Variants in SPIRE1 observed in about 807,000 individuals in gnomAD.
The protein encoded by SPIRE1 is spire type actin nucleation factor 1, also known as protein spire homolog 1.
In SPIRE1, 40 loss-of-function variants were observed where a neutral mutation model predicts 94.1. The ratio of observed to expected loss-of-function variants is 0.43; its 90% CI spans 0.33 to 0.55. The LOEUF (loss-of-function observed/expected upper bound fraction) is 0.55, where lower values mean the gene tolerates loss of function less well. Among genes scored for constraint, SPIRE1 ranks in the 20% least tolerant of loss-of-function variants. The probability of loss-of-function intolerance (pLI) is 0.06; values close to 1 mark genes in which losing one functional copy is unlikely to be tolerated. For missense variants in SPIRE1, 838 were observed against 975.2 expected (o/e 0.86, Z 1.87); for synonymous variants, 376 against 371.7 (o/e 1.01, Z -0.13).
At chr18:12,583,800 CT>C (rs1447435807) in intron 2 of SPIRE1, among the ~76,000 whole-genome samples, 2 of 151,904 alleles carry the variant, frequency 1.3e-5, no homozygotes, top group Admixed American at 6.6e-5. Context: ...TGGCACACAC[CT>C]ATAGTCCCTG....
intron 2 of SPIRE1, among the ~76,000 whole-genome samples, chr18:12,549,404 TTTTGTTTTGCTTTTTG>T (rs2035269823): frequency 8.8e-6 from 1 of 114,212 alleles, no homozygotes; most frequent in Non-Finnish European, 1.8e-5. Context: ...CCCCTTCTTT[TTTTGTTTTGCTTTTTG>T]TTTGTTTTTG....
intron 14 of SPIRE1, 126 bp from the exon 15 acceptor site, chr18:12,452,638 A>G: frequency 3.1e-6 from 3 of 952,906 alleles, no homozygotes; most frequent in Non-Finnish European, 5.0e-6. Context: ...TTCTTCTATT[A>G]GAATGTAACA....
chr18:12,659,362 AG>A (rs2038647901), upstream of SPIRE1, among the ~76,000 whole-genome samples: 1 of 152,180 alleles, frequency 6.6e-6, no homozygotes, highest in African/African-American at 2.4e-5. Context: ...CAGGACGAAA[AG>A]GAAAATTAAG....
Position 12,479,810 on chromosome 18 carries a change from C to G in SPIRE1, c.1293G>C (p.Leu431Phe). ...ACCCGTTTTCTTTTGTTTGTGATGTCAAACCTCCATTCACCATAGATGACT... is the reference window on the plus strand; with the variant it reads ...ACCCGTTTTCTTTTGTTTGTGATGTGAAACCTCCATTCACCATAGATGACT... The part of the protein sequence containing the change: ...LVESSMVNGG[L>F]TSQTKENGLS... Residue 431 changes from leucine to phenylalanine, a missense_variant, in exon 10 of 17, where the codon TTG becomes TTC. Around this residue, in one of 2 missense-constraint regions of SPIRE1, gnomAD observed 645 missense variants for 804.7 expected, o/e 0.80. Transcript: ENST00000409402. The G allele has an allele frequency of 6.2e-7, 1 of 1,614,094 alleles. No homozygotes were observed. The highest frequency in any genetic ancestry group is 8.5e-7 in the Non-Finnish European group (1 of 1,180,002).
chr18:12,607,112 G>A (rs920572160), intron 2 of SPIRE1, among the ~76,000 whole-genome samples: 1 of 151,940 alleles, frequency 6.6e-6, no homozygotes, highest in African/African-American at 2.4e-5. Context: ...TAAATTTCCT[G>A]GTTTCTAATT....
intron 2 of SPIRE1, among the ~76,000 whole-genome samples, chr18:12,560,308 C>T (rs2035645333): frequency 6.6e-6 from 1 of 152,036 alleles, no homozygotes; most frequent in South Asian, 2.1e-4. Flanking sequence ...GCACTATTTA[C>T]AATAGCTAAG....
At chr18:12,609,790 GCTATGC>G (rs1364720433) in intron 2 of SPIRE1, among the ~76,000 whole-genome samples, 1 of 152,146 alleles carries the variant, frequency 6.6e-6, no homozygotes, top group African/African-American at 2.4e-5. Flanking sequence ...CTCCCAGAAG[GCTATGC>G]CTCTTCTGTC....
At chr18:12,521,309 C>T (rs777587243) in intron 4 of SPIRE1, among the ~76,000 whole-genome samples, 12 of 151,020 alleles carry the variant, frequency 7.9e-5, no homozygotes, top group South Asian at 6.3e-4. Flanking sequence ...ATTTTACTGC[C>T]TTTCGCTTTG....
At chr18:12,542,387 C>CTACTGT (rs2035039690) in intron 3 of SPIRE1, among the ~76,000 whole-genome samples, 2 of 152,176 alleles carry the variant, frequency 1.3e-5, no homozygotes, top group Non-Finnish European at 2.9e-5. Flanking sequence ...GATTAATAGT[C>CTACTGT]ACATGTGGCT....
chr18:12,476,553 AAAAAAAAAAAAATAT>A (rs1461414022), intron 10 of SPIRE1, among the ~76,000 whole-genome samples: 6 of 90,226 alleles, frequency 6.6e-5, no homozygotes, highest in African/African-American at 1.8e-4. Context: ...AAAAAAAAAA[AAAAAAAAAAAAATAT>A]ATATATATAT....
At chr18:12,518,343 G>A (rs1377333903) in intron 4 of SPIRE1, among the ~76,000 whole-genome samples, 3 of 152,004 alleles carry the variant, frequency 2.0e-5, no homozygotes, top group African/African-American at 7.3e-5. Flanking sequence ...ATATGCTAAT[G>A]TAGGCCAAGT....
At chr18:12,478,097 ACCTTT>A (rs1598911198) in intron 10 of SPIRE1, among the ~76,000 whole-genome samples, 1 of 151,788 alleles carries the variant, frequency 6.6e-6, no homozygotes, top group Non-Finnish European at 1.5e-5. Context: ...TGTTTGAAAA[ACCTTT>A]AGTAGCAAAA....
intron 2 of SPIRE1, among the ~76,000 whole-genome samples, chr18:12,632,259 A>C (rs2037802341): frequency 6.6e-6 from 1 of 152,164 alleles, no homozygotes; most frequent in South Asian, 2.1e-4. Flanking sequence ...TCTGAGCAGC[A>C]CTACTCCAGA....
At chr18:12,587,009 CTTGTATGTTA>C (rs1207714755) in intron 2 of SPIRE1, among the ~76,000 whole-genome samples, 5 of 152,326 alleles carry the variant, frequency 3.3e-5, no homozygotes, top group East Asian at 1.9e-4. Context: ...AAGCACTTCA[CTTGTATGTTA>C]TTGTATGTTA....
intron 10 of SPIRE1, among the ~76,000 whole-genome samples, chr18:12,471,244 G>T (rs1472132348): frequency 1.3e-5 from 2 of 152,066 alleles, no homozygotes; most frequent in East Asian, 3.8e-4. Context: ...TAATTTTATA[G>T]GGGATCTGTG....
chr18:12,629,614 G>A (rs2037721838), intron 2 of SPIRE1, among the ~76,000 whole-genome samples: 1 of 152,104 alleles, frequency 6.6e-6, no homozygotes. Flanking sequence ...GGCTAAGAGG[G>A]GCTGGGAGGA....
intron 12 of SPIRE1, among the ~76,000 whole-genome samples, chr18:12,456,334 T>C (rs1026764904): frequency 3.3e-5 from 5 of 152,178 alleles, no homozygotes; most frequent in Non-Finnish European, 4.4e-5. Context: ...GGTTAGGCCA[T>C]TAAAACTGTG....
chr18:12,552,705 C>G (rs998510948), intron 2 of SPIRE1, among the ~76,000 whole-genome samples: 3 of 152,110 alleles, frequency 2.0e-5, no homozygotes, highest in African/African-American at 7.2e-5. Context: ...CCCCCAGTCA[C>G]GTACCCCCTG....
In SPIRE1 at chr18:12,449,414, T is replaced by C. The variant is rs1415951962; in HGVS notation, c.*224A>G. The stretch of plus-strand genomic sequence containing the variant: ...ACACACAAAAGTAAGTTTCAAACTG[T>C]TGTCCTCTCTCAGTGCAAACGAGCA... On this transcript the variant is annotated 3_prime_UTR_variant, in exon 17 of 17. Transcript: ENST00000409402. The C allele has an allele frequency of 1.8e-6, 1 of 565,122 alleles. No homozygotes were observed. The allele number at this position is 565,122 out of a possible 1,614,324, so 35.0% of individuals were successfully genotyped here.
Sources: gnomAD v4.1 joint callset for allele counts (sites outside exome capture counted in the v4.1 genomes callset) on GRCh38, gnomAD v4.1.1 for gene constraint, gnomAD v4.1.1 regional missense constraint, MANE v1.5 for transcripts, NCBI Gene and HGNC (gene_info 2026-07-23, HGNC 2026-07-21) for gene names.